MKRN1: variants seen among roughly 807,000 people sequenced by gnomAD.
MKRN1 encodes the protein makorin ring finger protein 1, also known as E3 ubiquitin-protein ligase makorin-1.
A neutral mutation model predicts 55.5 loss-of-function variants in MKRN1; 9 were observed. That is an observed-to-expected ratio of 0.16 (90% CI 0.10 to 0.28). The LOEUF is 0.28. MKRN1 is among the 10% of genes least tolerant of loss of function. MKRN1 has a pLI of 1.00. For synonymous variants in MKRN1, 253 were observed against 235.9 expected, an observed-to-expected ratio of 1.07 and a Z score of -0.66; for missense variants, 488 against 626.7, an observed-to-expected ratio of 0.78 and a Z score of 2.36.
rs1165786128 is a variant in MKRN1 at position 140,454,978 on chromosome 7, T to C, written c.1236+117A>G. ...TGAGGTTTGTTTCCTCCTTTAATAC[T>C]CTACACTTTCGCTCCCAGACCTGAG... On this transcript the variant is annotated intron_variant, in intron 7 of 7. Coordinates refer to ENST00000255977, the MANE Select transcript of MKRN1 (RefSeq NM_013446.4). The C allele has an allele frequency of 8.5e-6, 12 of 1,404,748 alleles. No homozygotes were observed. In the African/African-American group the frequency reaches 1.7e-4, roughly 20 times the overall value. The allele number at this position is 1,404,748 out of a possible 1,614,324, so 87.0% of individuals were successfully genotyped here.
intron 1 of MKRN1, 48 bp downstream of exon 1, chr7:140,479,112 C>T (rs985170766): frequency 8.1e-5 from 104 of 1,286,320 alleles, no homozygotes; most frequent in Non-Finnish European, 9.5e-5. Flanking sequence ...GCAGGCTTGG[C>T]CCGCGGCCCC....
intron 6 of MKRN1, 102 bp downstream of exon 6, chr7:140,455,688 G>A: frequency 1.1e-6 from 1 of 893,500 alleles, no homozygotes; most frequent in Non-Finnish European, 1.8e-6. Context: ...GTCAAAGAAG[G>A]GTAGGAAGGA....
At position 140,471,807 on chromosome 7, in the gene MKRN1, A is replaced by AT. The variant is rs1160288710; in HGVS notation, c.314+75dup. The AT allele has an allele frequency of 1.9e-6, 3 of 1,553,886 alleles. No individual in the cohort carries two copies. In the African/African-American group the frequency reaches 4.1e-5, roughly 21 times the overall value. ...AAGCATTATTTTTAATCAGTGACAT[A>AT]TAAAGCTATCAGAAGTATGTCTTTT... is the stretch of plus-strand genomic sequence containing the variant. On this transcript the variant is annotated intron_variant, in intron 2 of 7. Transcript: ENST00000255977.
chr7:140,466,023 T>C (rs148889998), intron 2 of MKRN1, among the ~76,000 whole-genome samples: 59 of 151,656 alleles, frequency 3.9e-4, no homozygotes, highest in African/African-American at 1.3e-3. Context: ...GGACATTGCA[T>C]TGAGCCGAGA....
chr7:140,457,421 C>A (rs1273322816), intron 4 of MKRN1, among the ~76,000 whole-genome samples: 1 of 152,114 alleles, frequency 6.6e-6, no homozygotes, highest in African/African-American at 2.4e-5. Flanking sequence ...GTGTGGACAT[C>A]ATATTTTAAC....
chr7:140,471,975 G>A lies in MKRN1; in HGVS notation c.222C>T (p.Asn74=). 2.5e-6 allele frequency: 4 copies of A among 1,614,170 alleles called. No individual in the cohort carries two copies. Among genetic ancestry groups the A allele is most frequent in the Non-Finnish European group, 3.4e-6 (4 of 1,180,044 alleles). The change falls in exon 2 of 8, where the codon AAC becomes AAT. Residue 74 remains asparagine (N), a synonymous_variant. Coordinates refer to ENST00000255977, the MANE Select transcript of MKRN1 (RefSeq NM_013446.4). ...FMHGVCKEGD[N]CRYSHDLSDS... ...CAGAGAGGTCATGCGAGTAGCGACAGTTGTCTCCTTCCTTACAAACCCCAT... is the reference window on the plus strand; with the variant it reads ...CAGAGAGGTCATGCGAGTAGCGACAATTGTCTCCTTCCTTACAAACCCCAT...
At chr7:140,473,210 C>CAAAAAAAAAAA in intron 1 of MKRN1, 5 of 370,060 alleles carry the variant, frequency 1.4e-5, no homozygotes, top group East Asian at 1.6e-4. Context: ...ATGATACCAC[C>CAAAAAAAAAAA]AAAAAAAAAA....
chr7:140,463,773 T>G (rs995120836), intron 2 of MKRN1, among the ~76,000 whole-genome samples: 3 of 151,902 alleles, frequency 2.0e-5, no homozygotes, highest in African/African-American at 7.2e-5. Flanking sequence ...TAGTCCCAGC[T>G]ACTCGGGAGG....
rs1469109233 is a variant in MKRN1, at chr7:140,456,199, T to G, written c.987-299A>C. ...CACACAGACTCCTTTTTCTTTCGTT[T>G]AAATAAATTTATTTCTTGTAGCTTT... On this transcript the variant is annotated intron_variant, in intron 5 of 7. Coordinates refer to ENST00000255977, the MANE Select transcript of MKRN1 (RefSeq NM_013446.4). The G allele has an allele frequency of 2.6e-6, 3 of 1,167,870 alleles. No individual in the cohort carries two copies. The Admixed American group carries it at 1.3e-4, about 49-fold the overall frequency. 72.3% of individuals were successfully genotyped at this position (1,167,870 alleles called of 1,614,324 possible).
At chr7:140,462,248 C>T (rs753119671) in intron 2 of MKRN1, among the ~76,000 whole-genome samples, 8 of 152,082 alleles carry the variant, frequency 5.3e-5, no homozygotes, top group Non-Finnish European at 7.4e-5. Context: ...AGGCTGGTCT[C>T]CAACTCCTGG....
chr7:140,454,225 T>C lies in MKRN1; in HGVS notation c.*292A>G, dbSNP rs1794403596. 4 of 398,160 alleles carry C rather than the reference T, an allele frequency of 1.0e-5. No homozygotes were observed. Among genetic ancestry groups the C allele is most frequent in the Non-Finnish European group, 1.9e-5 (4 of 211,210 alleles). 24.7% of individuals were successfully genotyped at this position (398,160 alleles called of 1,614,324 possible). A position where few individuals can be genotyped will look rare whatever the true frequency, so the allele number is the denominator to read the frequency against. ...GTGTGTGAAAAGTCCATAAATGCAATCTGGTTGAAAACAGATGACGCAACA... is the reference window on the plus strand; with the variant it reads ...GTGTGTGAAAAGTCCATAAATGCAACCTGGTTGAAAACAGATGACGCAACA... On this transcript the variant is annotated 3_prime_UTR_variant, in exon 8 of 8. Coordinates refer to ENST00000255977, the MANE Select transcript of MKRN1 (RefSeq NM_013446.4).
At chr7:140,467,109 C>G (rs1371653710) in intron 2 of MKRN1, among the ~76,000 whole-genome samples, 2 of 151,904 alleles carry the variant, frequency 1.3e-5, no homozygotes, top group Non-Finnish European at 1.5e-5. Flanking sequence ...TCCAGAGTAG[C>G]TAGGATTACA....
At chr7:140,474,083 T>TG (rs1446314832) in intron 1 of MKRN1, among the ~76,000 whole-genome samples, 1 of 142,736 alleles carries the variant, frequency 7.0e-6, no homozygotes, top group African/African-American at 2.6e-5. Flanking sequence ...GACTGTAGGG[T>TG]GGGCCCGGTG....
chr7:140,477,704 C>G (rs1795167970), intron 1 of MKRN1, among the ~76,000 whole-genome samples: 2 of 152,132 alleles, frequency 1.3e-5, no homozygotes. Flanking sequence ...GCGATCCGCC[C>G]GCCTCAGCCT....
At chr7:140,455,294 C>T in intron 6 of MKRN1, 61 bp from the exon 7 acceptor site, 1 of 1,598,840 alleles carries the variant, frequency 6.3e-7, no homozygotes, top group Non-Finnish European at 8.5e-7. Flanking sequence ...ATTTGACTAT[C>T]ATCCGGGGTT....
chr7:140,473,615 AG>A (rs1318884719), intron 1 of MKRN1, among the ~76,000 whole-genome samples: 2 of 152,214 alleles, frequency 1.3e-5, no homozygotes, highest in Non-Finnish European at 2.9e-5. Flanking sequence ...TTATCAAACT[AG>A]ATTATAAATT....
In MKRN1 at chr7:140,455,916, C is replaced by T; in HGVS notation, c.987-16G>A. 2 of 1,594,528 alleles carry T rather than the reference C, an allele frequency of 1.3e-6. No homozygotes were observed. Among genetic ancestry groups the T allele is most frequent in the South Asian group, 1.1e-5 (1 of 90,646 alleles). The stretch of plus-strand genomic sequence containing the variant: ...TGGGCAGGACCTGGGAAACAATGAA[C>T]AGGCTGCAATGCAAATTCCCCTTTT... On this transcript the variant is annotated splice_polypyrimidine_tract_variant and intron_variant, in intron 5 of 7. Coordinates refer to ENST00000255977, the MANE Select transcript of MKRN1 (RefSeq NM_013446.4).
At chr7:140,472,168 C>T (rs1794947744) in intron 1 of MKRN1, 157 bp from the exon 2 acceptor site, 1 of 1,051,176 alleles carries the variant, frequency 9.5e-7, no homozygotes, top group Non-Finnish European at 1.3e-6. Context: ...GCCTGTAATC[C>T]CAGTACCTTT....
intron 1 of MKRN1, among the ~76,000 whole-genome samples, chr7:140,477,840 CAG>C (rs2130379897): frequency 6.6e-6 from 1 of 152,328 alleles, no homozygotes; most frequent in East Asian, 1.9e-4. Context: ...AAAAGGGAAA[CAG>C]ATATTCAAAT....
Sources: allele counts gnomAD v4.1 joint callset (sites outside exome capture counted in the v4.1 genomes callset), GRCh38; gene constraint gnomAD v4.1.1; transcripts MANE v1.5; gene names NCBI Gene and HGNC (gene_info 2026-07-23, HGNC 2026-07-21).